Variants in HERC3 observed in about 807,000 individuals in gnomAD.
HERC3 encodes HECT and RLD domain containing E3 ubiquitin protein ligase 3.
A neutral mutation model predicts 129.9 loss-of-function variants in HERC3; 58 were observed. That is an observed-to-expected ratio of 0.45 (90% CI 0.36 to 0.56). The LOEUF (loss-of-function observed/expected upper bound fraction) is 0.56. Among genes scored for constraint, HERC3 ranks in the 20% least tolerant of loss-of-function variants. HERC3 has a pLI of 0.00. For missense variants in HERC3, 835 were observed against 1,244.2 expected, an observed-to-expected ratio of 0.67 and a Z score of 4.95; for synonymous variants, 430 against 451.0, an observed-to-expected ratio of 0.95 and a Z score of 0.59.
At chr4:88,526,776 A>C in the HERC3 span, among the ~76,000 whole-genome samples, 1 of 151,962 alleles carries the variant, frequency 6.6e-6, no homozygotes, top group Non-Finnish European at 1.5e-5. Flanking sequence ...CAAGCAGTCC[A>C]CCCACCTTGG....
rs757313229 is a variant in HERC3, at chr4:88,704,223, C to T, written c.2783C>T (p.Ser928Leu). 5.6e-6 allele frequency: 9 copies of T among 1,614,126 alleles called. No individual in the cohort carries two copies. The South Asian group carries it at 9.9e-5, about 18-fold the overall frequency. The change falls in exon 24 of 26, where the codon TCA becomes TTA. Residue 928 changes from serine to leucine, a missense_variant. Ser to Leu is a moderately radical substitution (Grantham distance 145, BLOSUM62 -2). Coordinates refer to ENST00000402738, the MANE Select transcript of HERC3 (RefSeq NM_014606.3). ...AAAGTACTTGAGCTCTTCCAGCCTT[C>T]AGAACTGAGGGCTATGATGGTGGGG... ...GGKVLELFQP[S>L]ELRAMMVGNS...
chr4:88,643,245 C>T (rs1425820519), intron 3 of HERC3, among the ~76,000 whole-genome samples: 2 of 152,140 alleles, frequency 1.3e-5, no homozygotes, highest in African/African-American at 4.8e-5. Flanking sequence ...GACCTCGTAA[C>T]TGTAGAGACA....
chr4:88,555,618 T>C, the HERC3 span, among the ~76,000 whole-genome samples: 1 of 152,230 alleles, frequency 6.6e-6, no homozygotes, highest in African/African-American at 2.4e-5. Flanking sequence ...ATTTTGTGTA[T>C]TTATTGAAAA....
At chr4:88,596,470 G>C (rs1279503484) in intron 2 of HERC3, among the ~76,000 whole-genome samples, 2 of 152,252 alleles carry the variant, frequency 1.3e-5, no homozygotes, top group African/African-American at 4.8e-5. Context: ...TCTAAGAATG[G>C]GGGTCAGTTC....
intron 16 of HERC3, among the ~76,000 whole-genome samples, chr4:88,671,952 T>G (rs944510126): frequency 6.6e-6 from 1 of 152,222 alleles, no homozygotes; most frequent in African/African-American, 2.4e-5. Context: ...AAATAAGCCC[T>G]TCTGTTTTAT....
At chr4:88,565,217 T>A in the HERC3 span, among the ~76,000 whole-genome samples, 1 of 152,226 alleles carries the variant, frequency 6.6e-6, no homozygotes, top group East Asian at 1.9e-4. Flanking sequence ...CTACAGCCAC[T>A]GGATAAAATG....
chr4:88,645,559 C>G (rs917108680), intron 3 of HERC3, among the ~76,000 whole-genome samples: 1 of 152,054 alleles, frequency 6.6e-6, no homozygotes, highest in African/African-American at 2.4e-5. Flanking sequence ...CCACTAGATA[C>G]CTGAAACCTT....
chr4:88,689,899 C>A, intron 23 of HERC3: 1 of 688,820 alleles, frequency 1.5e-6, no homozygotes, highest in Non-Finnish European at 1.8e-6. Flanking sequence ...TTTTAACAAA[C>A]GACTCGAAGC....
intron 25 of HERC3, 51 bp from the exon 26 acceptor site, chr4:88,706,701 G>C (rs1360666619): frequency 2.0e-6 from 3 of 1,476,840 alleles, no homozygotes; most frequent in Non-Finnish European, 2.8e-6. Flanking sequence ...GGATCTCTGA[G>C]ATCCATTTTC....
At chr4:88,686,658 G>T (rs1733503541) in intron 21 of HERC3, 78 bp from the exon 22 acceptor site, 2 of 898,482 alleles carry the variant, frequency 2.2e-6, no homozygotes, top group East Asian at 4.9e-5. Flanking sequence ...AAATGGTCTG[G>T]ACATGTAACT....
At chr4:88,610,936 T>C (rs1318908135) in intron 3 of HERC3, among the ~76,000 whole-genome samples, 2 of 152,214 alleles carry the variant, frequency 1.3e-5, no homozygotes, top group Non-Finnish European at 2.9e-5. Context: ...GTCTGCATAC[T>C]GGGTCAGCTG....
chr4:88,627,838 A>C (rs1452885024), intron 3 of HERC3, among the ~76,000 whole-genome samples: 1 of 144,590 alleles, frequency 6.9e-6, no homozygotes, highest in Non-Finnish European at 1.5e-5. Flanking sequence ...TGGGAGGCAG[A>C]GGTTGCAGTG....
intron 6 of HERC3, 90 bp from the exon 7 acceptor site, chr4:88,653,952 C>G (rs1463703027): frequency 7.7e-6 from 7 of 914,874 alleles, no homozygotes; most frequent in Non-Finnish European, 1.2e-5. Context: ...CGTCAGGAAT[C>G]CAGGAATCCA....
At chr4:88,684,450 T>C (rs927843004) in intron 21 of HERC3, among the ~76,000 whole-genome samples, 3 of 152,100 alleles carry the variant, frequency 2.0e-5, no homozygotes, top group Non-Finnish European at 2.9e-5. Flanking sequence ...TCCTTACACC[T>C]TATACAAAAA....
chr4:88,693,734 C>T (rs990967007), intron 23 of HERC3: 1 of 967,638 alleles, frequency 1.0e-6, no homozygotes, highest in African/African-American at 1.8e-5. Flanking sequence ...GCTGCCATGC[C>T]ATTTTTCACA....
the HERC3 span, chr4:88,523,958 C>T: frequency 4.2e-6 from 2 of 477,230 alleles, no homozygotes; most frequent in Non-Finnish European, 7.3e-6. Context: ...CCTTACCAGA[C>T]TACAAACTAA....
At chr4:88,681,770 C>G (rs912884747) in intron 21 of HERC3, among the ~76,000 whole-genome samples, 1 of 152,198 alleles carries the variant, frequency 6.6e-6, no homozygotes, top group Non-Finnish European at 1.5e-5. Context: ...TTGTAAAGTT[C>G]AAACCAGTGT....
At chr4:88,570,762 T>TTA in the HERC3 span, among the ~76,000 whole-genome samples, 4 of 149,616 alleles carry the variant, frequency 2.7e-5, no homozygotes, top group East Asian at 2.0e-4. Flanking sequence ...TTTATTTTAT[T>TTA]TTTATTTATT....
rs770183872 is a variant in HERC3 at position 88,649,855 on chromosome 4, T to C, written c.242T>C (p.Leu81Pro). Reference sequence around the variant, plus strand: ...TCTCTTTCAGAACAAATTGGAGCTCTGGCAGATCAGCATATCATTCATGTG... The same window carrying C: ...TCTCTTTCAGAACAAATTGGAGCTCCGGCAGATCAGCATATCATTCATGTG... ...EGNKPEQIGALADQHIIHVAC... is the reference protein window; with the variant it reads ...EGNKPEQIGAPADQHIIHVAC... Residue 81 changes from leucine to proline, a missense_variant, in exon 4 of 26, where the codon CTG becomes CCG. By Grantham distance (98) the Leu-to-Pro change is moderately conservative (BLOSUM62 -3). Transcript: ENST00000402738. 6.2e-7 allele frequency: 1 copy of C among 1,613,958 alleles called. No individual in the cohort carries two copies. The highest frequency in any genetic ancestry group is 8.5e-7 in the Non-Finnish European group (1 of 1,179,928).
Sources: gnomAD v4.1 joint callset for allele counts (sites outside exome capture counted in the v4.1 genomes callset) on GRCh38, gnomAD v4.1.1 for gene constraint, MANE v1.5 for transcripts, NCBI Gene and HGNC (gene_info 2026-07-23, HGNC 2026-07-21) for gene names.